NFU1: variants seen among roughly 807,000 people sequenced by gnomAD.
NFU1 encodes the protein NFU1 iron-sulfur cluster scaffold homolog, mitochondrial.
A neutral mutation model predicts 32.2 loss-of-function variants in NFU1; 30 were observed. The ratio of observed to expected loss-of-function variants is 0.93; its 90% CI spans 0.70 to 1.26. NFU1 has a LOEUF of 1.26. Ranked by LOEUF, NFU1 falls within the 50% of genes most tolerant of loss-of-function variation. The pLI, the probability that NFU1 is intolerant of heterozygous loss-of-function variation, is 0.00. For missense variants in NFU1, 306 were observed against 306.6 expected (o/e 1.00, Z 0.02); for synonymous variants, 112 against 104.6 (o/e 1.07, Z -0.43).
At chr2:69,411,522 T>A (rs1432005958) in intron 5 of NFU1, among the ~76,000 whole-genome samples, 1 of 152,182 alleles carries the variant, frequency 6.6e-6, no homozygotes, top group Non-Finnish European at 1.5e-5. Context: ...TAGGGAGATA[T>A]CATTTGCTAA....
upstream of NFU1, chr2:69,437,704 G>C: frequency 1.8e-6 from 1 of 559,510 alleles, no homozygotes; most frequent in South Asian, 2.0e-5. Flanking sequence ...TTCCCTGTTG[G>C]CTAGGTTTTT....
In NFU1 at chr2:69,430,047, A is replaced by C. The variant is rs143901182; in HGVS notation, c.166+1855T>G. On this transcript the variant is annotated intron_variant, in intron 2 of 7. Transcript: ENST00000410022. Reference sequence around the variant, plus strand: ...CTGCCTCAAAAACAAACAAAAAAAAACACCTAATTTGAATAGGTACTTAAC... The same window carrying C: ...CTGCCTCAAAAACAAACAAAAAAAACCACCTAATTTGAATAGGTACTTAAC... 784 of 321,744 alleles carry C rather than the reference A, an allele frequency of 2.4e-3. 5 individuals carry two copies. The highest frequency in any genetic ancestry group is 0.016 in the African/African-American group (693 of 44,586). The allele number at this position is 321,744 out of a possible 1,614,324, so 19.9% of individuals were successfully genotyped here.
chr2:69,424,190 A>C (rs1006144695), intron 2 of NFU1, among the ~76,000 whole-genome samples: 2 of 135,914 alleles, frequency 1.5e-5, no homozygotes, highest in African/African-American at 5.7e-5. Context: ...AAAAAAAAAA[A>C]AAAAAAAAAT....
At chr2:69,433,940 GT>G (rs57285184) in intron 1 of NFU1, among the ~76,000 whole-genome samples, 63,332 of 139,778 alleles carry the variant, frequency 0.45, 14,027 homozygotes, top group African/African-American at 0.52. Context: ...TGCCCAGCTA[GT>G]TTTTTTTTTT....
At position 69,422,175 on chromosome 2, in the gene NFU1, C is replaced by G. The variant is rs534495085; in HGVS notation, c.302+1407G>C. On this transcript the variant is annotated intron_variant, in intron 3 of 7. Coordinates refer to ENST00000410022, the MANE Select transcript of NFU1 (RefSeq NM_001002755.4). Reference sequence around the variant, plus strand: ...GGGGGGTTCAGCAGAGGGGAGGGCACAGGCAGACAGGGTATATGACATGGA... The same window carrying G: ...GGGGGGTTCAGCAGAGGGGAGGGCAGAGGCAGACAGGGTATATGACATGGA... Among the ~76,000 whole-genome samples the G allele has an allele frequency of 7.2e-5, 11 of 152,104 alleles. No individual in the cohort carries two copies. The East Asian group carries it at 2.1e-3, about 29-fold the overall frequency.
chr2:69,427,431 C>T (rs1673497549), intron 2 of NFU1, among the ~76,000 whole-genome samples: 2 of 151,008 alleles, frequency 1.3e-5, no homozygotes, highest in African/African-American at 2.4e-5. Context: ...CCTGTAATCT[C>T]AGCACTTTGG....
intron 5 of NFU1, among the ~76,000 whole-genome samples, chr2:69,413,817 G>A (rs1672968986): frequency 1.3e-5 from 2 of 150,664 alleles, no homozygotes; most frequent in African/African-American, 4.9e-5. Context: ...GGGAGGCCGA[G>A]GCAGGCGAAT....
chr2:69,428,626 C>G (rs143279826), intron 2 of NFU1, among the ~76,000 whole-genome samples: 4 of 152,286 alleles, frequency 2.6e-5, no homozygotes, highest in Non-Finnish European at 5.9e-5. Flanking sequence ...GGACAATTTT[C>G]TAGGTGCTGA....
chr2:69,414,123 G>C lies in NFU1; in HGVS notation c.484+1062C>G, dbSNP rs574330741. 2.8e-4 allele frequency among the ~76,000 whole-genome samples: 43 copies of C among 152,160 alleles called. No homozygotes were observed. In the South Asian group the frequency reaches 8.1e-3, roughly 29 times the overall value. ...CATATTCATAAACAGACTTGTATAAGGATGCTCACTACAGCAATGTTTTCA... is the reference window on the plus strand; with the variant it reads ...CATATTCATAAACAGACTTGTATAACGATGCTCACTACAGCAATGTTTTCA... On this transcript the variant is annotated intron_variant, in intron 5 of 7. Coordinates refer to ENST00000410022, the MANE Select transcript of NFU1 (RefSeq NM_001002755.4).
At chr2:69,409,038 C>T (rs2104757037) in intron 5 of NFU1, among the ~76,000 whole-genome samples, 1 of 151,896 alleles carries the variant, frequency 6.6e-6, no homozygotes, top group East Asian at 1.9e-4. Flanking sequence ...GACGGGGTTA[C>T]ACCATGTTGG....
At chr2:69,398,067 A>G (rs1399597700) in intron 7 of NFU1, among the ~76,000 whole-genome samples, 1 of 152,176 alleles carries the variant, frequency 6.6e-6, no homozygotes, top group African/African-American at 2.4e-5. Flanking sequence ...ACAATACCCA[A>G]TCCAAAAAAT....
chr2:69,404,903 A>G (rs1672647907), intron 6 of NFU1, among the ~76,000 whole-genome samples: 1 of 151,168 alleles, frequency 6.6e-6, no homozygotes, highest in South Asian at 2.1e-4. Context: ...TACAAGCGTG[A>G]GCCACCACAC....
rs1031820628 is a variant in NFU1, at chr2:69,419,217, G to T, written c.369+321C>A. 6.3e-5 allele frequency among the ~76,000 whole-genome samples: 6 copies of T among 95,392 alleles called. No individual in the cohort carries two copies. The East Asian group carries it at 1.3e-3, about 21-fold the overall frequency. 62.6% of individuals were successfully genotyped at this position (95,392 alleles called of 152,430 possible). A position where few individuals can be genotyped will look rare whatever the true frequency, so the allele number is the denominator to read the frequency against. On this transcript the variant is annotated intron_variant, in intron 4 of 7. Transcript: ENST00000410022. Reference sequence around the variant, plus strand: ...CAATCCCAGCTACTCAGGGTGGCGGGGGGGGGCGCCGAGGCAGGAGAATCA... The same window carrying T: ...CAATCCCAGCTACTCAGGGTGGCGGTGGGGGGCGCCGAGGCAGGAGAATCA...
intron 3 of NFU1, among the ~76,000 whole-genome samples, chr2:69,420,157 C>G (rs1673192591): frequency 2.0e-5 from 3 of 152,238 alleles, no homozygotes; most frequent in South Asian, 4.2e-4. Flanking sequence ...AGGCGCCCAC[C>G]ACCACGCCCA....
At chr2:69,428,237 C>T (rs951755806) in intron 2 of NFU1, among the ~76,000 whole-genome samples, 8 of 151,984 alleles carry the variant, frequency 5.3e-5, no homozygotes, top group South Asian at 2.1e-4. Flanking sequence ...ACAGCCTGGT[C>T]AACATGGTAA....
At chr2:69,400,963 T>G (rs973401910) in intron 6 of NFU1, among the ~76,000 whole-genome samples, 1 of 152,132 alleles carries the variant, frequency 6.6e-6, no homozygotes, top group African/African-American at 2.4e-5. Flanking sequence ...AGAAATTTTT[T>G]TTAAATAAAA....
upstream of NFU1, among the ~76,000 whole-genome samples, chr2:69,438,789 C>G (rs1212256529): frequency 6.6e-6 from 1 of 151,984 alleles, no homozygotes; most frequent in African/African-American, 2.4e-5. Context: ...ACTGAGTGGG[C>G]TGTGCCTCCT....
At chr2:69,409,783 C>T (rs936224439) in intron 5 of NFU1, among the ~76,000 whole-genome samples, 3 of 152,122 alleles carry the variant, frequency 2.0e-5, no homozygotes, top group South Asian at 2.1e-4. Context: ...CTCATACCTC[C>T]GGCTCTTCGA....
At chr2:69,417,131 AGTT>A (rs1443646469) in intron 4 of NFU1, among the ~76,000 whole-genome samples, 2 of 152,140 alleles carry the variant, frequency 1.3e-5, no homozygotes, top group Non-Finnish European at 1.5e-5. Flanking sequence ...AATATTCTAA[AGTT>A]GTCTGAATGA....
Sources: allele counts gnomAD v4.1 joint callset (sites outside exome capture counted in the v4.1 genomes callset), GRCh38; gene constraint gnomAD v4.1.1; transcripts MANE v1.5; gene names NCBI Gene and HGNC (gene_info 2026-07-23, HGNC 2026-07-21).